DLG2: variants seen among roughly 807,000 people sequenced by gnomAD.
DLG2 encodes the protein discs large MAGUK scaffold protein 2, also known as disks large homolog 2.
Under a neutral mutation model 132.5 loss-of-function variants are expected in DLG2, and 45 were observed. The ratio of observed to expected loss-of-function variants is 0.34; its 90% CI spans 0.27 to 0.44. DLG2 has a LOEUF of 0.44. DLG2 is among the 20% of genes least tolerant of loss of function. The probability of loss-of-function intolerance (pLI) is 1.00; values close to 1 mark genes in which losing one functional copy is unlikely to be tolerated. For synonymous variants in DLG2, 424 were observed against 419.6 expected, an observed-to-expected ratio of 1.01 and a Z score of -0.13; for missense variants, 1,045 against 1,196.9, an observed-to-expected ratio of 0.87 and a Z score of 1.87.
At chr11:84,434,410 G>A (rs1452937836) in intron 7 of DLG2, among the ~76,000 whole-genome samples, 1 of 152,054 alleles carries the variant, frequency 6.6e-6, no homozygotes, top group Non-Finnish European at 1.5e-5. Flanking sequence ...AATGATGAGT[G>A]GAAGGAAGAA....
chr11:85,042,527 CT>C (rs1211559976), intron 6 of DLG2, among the ~76,000 whole-genome samples: 1 of 151,970 alleles, frequency 6.6e-6, no homozygotes, highest in Non-Finnish European at 1.5e-5. Flanking sequence ...AAGAAAAGGA[CT>C]TTGCTCTCTG....
At chr11:83,671,963 CTA>C (rs1053459632) in intron 18 of DLG2, among the ~76,000 whole-genome samples, 41 of 152,092 alleles carry the variant, frequency 2.7e-4, no homozygotes, top group Non-Finnish European at 5.6e-4. Context: ...AGTGTTTCCC[CTA>C]TGTCTCTTTT....
At chr11:83,574,445 G>A (rs1305548812) in intron 19 of DLG2, among the ~76,000 whole-genome samples, 1 of 152,096 alleles carries the variant, frequency 6.6e-6, no homozygotes, top group Non-Finnish European at 1.5e-5. Flanking sequence ...GGAAATAAAT[G>A]TATAAGGATA....
intron 6 of DLG2, among the ~76,000 whole-genome samples, chr11:85,026,884 T>A (rs2060570547): frequency 6.6e-6 from 1 of 152,034 alleles, no homozygotes; most frequent in Non-Finnish European, 1.5e-5. Flanking sequence ...GCGTATTCTT[T>A]CATCTTACAA....
At chr11:83,929,689 T>G (rs1229130816) in intron 15 of DLG2, among the ~76,000 whole-genome samples, 2 of 152,172 alleles carry the variant, frequency 1.3e-5, no homozygotes, top group African/African-American at 4.8e-5. Flanking sequence ...ACTCTGAACT[T>G]CTATTTCTTA....
intron 7 of DLG2, among the ~76,000 whole-genome samples, chr11:84,435,850 G>A (rs1049564591): frequency 6.6e-6 from 1 of 151,980 alleles, no homozygotes; most frequent in Non-Finnish European, 1.5e-5. Flanking sequence ...AAGTGCTTCT[G>A]GGAGATTCAA....
At chr11:84,710,941 G>C (rs946445808) in intron 6 of DLG2, among the ~76,000 whole-genome samples, 1 of 148,960 alleles carries the variant, frequency 6.7e-6, no homozygotes, top group Non-Finnish European at 1.5e-5. Flanking sequence ...AAATATTACT[G>C]TGTTCTTTAT....
chr11:83,786,569 C>A, intron 18 of DLG2, 121 bp downstream of exon 18: 1 of 828,988 alleles, frequency 1.2e-6, no homozygotes, highest in Non-Finnish European at 1.9e-6. Context: ...CAATTTTTCA[C>A]TATAGGTAGG....
chr11:84,587,000 C>G (rs2099531425), intron 6 of DLG2, among the ~76,000 whole-genome samples: 1 of 152,122 alleles, frequency 6.6e-6, no homozygotes, highest in South Asian at 2.1e-4. Context: ...TTTTTGCAGA[C>G]ACTTGAATCA....
chr11:84,186,545 A>G (rs972740290), intron 8 of DLG2, among the ~76,000 whole-genome samples: 1 of 151,950 alleles, frequency 6.6e-6, no homozygotes, highest in East Asian at 1.9e-4. Context: ...TATTTGTTAG[A>G]TTGAAGTTTG....
chr11:84,517,948 T>G (rs1017162823), intron 7 of DLG2, among the ~76,000 whole-genome samples: 1 of 151,832 alleles, frequency 6.6e-6, no homozygotes. Context: ...ATCTAAAAAT[T>G]TGATCTCATA....
chr11:84,943,943 C>A (rs1365699778), intron 6 of DLG2, among the ~76,000 whole-genome samples: 2 of 151,968 alleles, frequency 1.3e-5, no homozygotes, highest in South Asian at 2.1e-4. Flanking sequence ...TATATGAAAT[C>A]CCTCACCTTT....
Position 83,459,333 on chromosome 11 carries a change from T to C in DLG2, c.*485A>G, listed in dbSNP as rs2089463505. The C allele has an allele frequency of 6.5e-6, 1 of 152,964 alleles. No individual in the cohort carries two copies. Among genetic ancestry groups the C allele is most frequent in the Non-Finnish European group, 1.5e-5 (1 of 68,256 alleles). 9.5% of individuals were successfully genotyped at this position (152,964 alleles called of 1,614,324 possible). A position where few individuals can be genotyped will look rare whatever the true frequency, so the allele number is the denominator to read the frequency against. ...TGTCATCTCCAAAGGGATTCCTTTC[T>C]TTTTTCCTTCTTTCTTTCATTTGCT... is the stretch of plus-strand genomic sequence containing the variant. On this transcript the variant is annotated 3_prime_UTR_variant, in exon 28 of 28. Transcript: ENST00000376104.
intron 6 of DLG2, among the ~76,000 whole-genome samples, chr11:84,663,323 A>T (rs1194553791): frequency 2.0e-5 from 3 of 151,578 alleles, no homozygotes; most frequent in African/African-American, 7.3e-5. Context: ...ACTCACCACC[A>T]TCTCTTTCTC....
intron 7 of DLG2, among the ~76,000 whole-genome samples, chr11:84,327,986 A>C (rs1455988953): frequency 1.3e-5 from 2 of 152,166 alleles, no homozygotes. Flanking sequence ...TGGGAGACTA[A>C]TACGTGTAAC....
At chr11:84,501,659 T>C (rs183722108) in intron 7 of DLG2, among the ~76,000 whole-genome samples, 79 of 152,322 alleles carry the variant, frequency 5.2e-4, no homozygotes, top group Non-Finnish European at 9.7e-4. Context: ...CAGTCAGGTA[T>C]ATGCAGCTTA....
At chr11:84,978,975 AC>A (rs1208308792) in intron 6 of DLG2, among the ~76,000 whole-genome samples, 2 of 152,212 alleles carry the variant, frequency 1.3e-5, no homozygotes, top group Non-Finnish European at 2.9e-5. Context: ...CAAGAAAAAA[AC>A]AACCCCATCA....
intron 26 of DLG2, among the ~76,000 whole-genome samples, chr11:83,465,491 T>A (rs917860595): frequency 6.6e-6 from 1 of 152,198 alleles, no homozygotes; most frequent in Non-Finnish European, 1.5e-5. Flanking sequence ...TCAAACACTA[T>A]GGTCTTGAGG....
intron 7 of DLG2, among the ~76,000 whole-genome samples, chr11:84,313,674 A>AAAGAAAGAAAGAAAGAAAGG (rs1555500647): frequency 7.9e-5 from 12 of 151,772 alleles, no homozygotes; most frequent in African/African-American, 2.9e-4. Context: ...AGAAAGAAAG[A>AAAGAAAGAAAGAAAGAAAGG]AAGAAAGAAA....
Sources: allele counts gnomAD v4.1 joint callset (sites outside exome capture counted in the v4.1 genomes callset), GRCh38; gene constraint gnomAD v4.1.1; transcripts MANE v1.5; gene names NCBI Gene and HGNC (gene_info 2026-07-23, HGNC 2026-07-21).